Variants in KIAA1328 observed in about 807,000 individuals in gnomAD.
KIAA1328 encodes protein hinderin.
KIAA1328 carries 52 observed loss-of-function variants against 68.1 expected under a neutral mutation model. That is an observed-to-expected ratio of 0.76 (90% CI 0.61 to 0.96). The LOEUF (loss-of-function observed/expected upper bound fraction) is 0.96. Among genes scored for constraint, KIAA1328 ranks in the 40% least tolerant of loss-of-function variants. The pLI is 0.00. For synonymous variants in KIAA1328, 232 were observed against 239.4 expected (o/e 0.97, Z 0.28); for missense variants, 641 against 677.6 (o/e 0.95, Z 0.60).
intron 6 of KIAA1328, among the ~76,000 whole-genome samples, chr18:37,047,176 G>T (rs1298430821): frequency 6.6e-6 from 1 of 152,094 alleles, no homozygotes. Context: ...AATATAACTT[G>T]CAGATTGGAA....
At chr18:37,098,211 T>G (rs2057474963) in intron 7 of KIAA1328, among the ~76,000 whole-genome samples, 1 of 152,350 alleles carries the variant, frequency 6.6e-6, no homozygotes, top group African/African-American at 2.4e-5. Context: ...GCTGTGGGTT[T>G]GTCATAGATA....
intron 5 of KIAA1328, among the ~76,000 whole-genome samples, chr18:36,907,803 G>C (rs1426751003): frequency 6.6e-6 from 1 of 152,118 alleles, no homozygotes. Context: ...TTTCCTGCAA[G>C]AGTTTGTATA....
chr18:37,060,835 G>A (rs573798767), intron 6 of KIAA1328, among the ~76,000 whole-genome samples: 2 of 152,088 alleles, frequency 1.3e-5, no homozygotes, highest in Non-Finnish European at 2.9e-5. Context: ...ACTATGCAGC[G>A]GGCTGAGCGC....
chr18:36,837,058 TC>T (rs570365189), intron 3 of KIAA1328, among the ~76,000 whole-genome samples: 124 of 152,324 alleles, frequency 8.1e-4, no homozygotes, highest in Non-Finnish European at 1.6e-3. Context: ...TCTTCCATGA[TC>T]ATTCATATAC....
chr18:37,069,545 T>C (rs982023255), intron 7 of KIAA1328, among the ~76,000 whole-genome samples: 1 of 152,202 alleles, frequency 6.6e-6, no homozygotes. Flanking sequence ...AGTTGGGAGA[T>C]GTTCGCTCTG....
At position 37,224,040 on chromosome 18, in the gene KIAA1328, T is replaced by C. The variant is rs1420448164; in HGVS notation, c.*1813T>C. ...AAAGCCTTTGGAGTGTGGAGCTTTCTGTGGTATGGCAGAAATGGGTGGATG... is the reference window on the plus strand; with the variant it reads ...AAAGCCTTTGGAGTGTGGAGCTTTCCGTGGTATGGCAGAAATGGGTGGATG... On this transcript the variant is annotated 3_prime_UTR_variant, in exon 10 of 10. Transcript: ENST00000280020. The C allele has an allele frequency of 1.0e-6, 1 of 985,334 alleles. No homozygotes were observed. The highest frequency in any genetic ancestry group is 1.2e-6 in the Non-Finnish European group (1 of 829,942). The allele number at this position is 985,334 out of a possible 1,614,324, so 61.0% of individuals were successfully genotyped here.
intron 5 of KIAA1328, among the ~76,000 whole-genome samples, chr18:36,934,525 T>C (rs1378310434): frequency 1.4e-4 from 4 of 28,568 alleles, no homozygotes; most frequent in Non-Finnish European, 5.6e-4. Flanking sequence ...GTGTTCTCAT[T>C]GTTCAATTCC....
intron 4 of KIAA1328, among the ~76,000 whole-genome samples, chr18:36,845,533 G>C (rs527841780): frequency 6.6e-6 from 1 of 151,572 alleles, no homozygotes; most frequent in African/African-American, 2.4e-5. Flanking sequence ...TGAAATATTA[G>C]AGCATTAAGT....
chr18:37,160,389 TAAC>T lies in KIAA1328; in HGVS notation c.1414+12_1414+14del. 1.2e-6 allele frequency: 2 copies of T among 1,607,046 alleles called. No homozygotes were observed. The highest frequency in any genetic ancestry group is 1.7e-6 in the Non-Finnish European group (2 of 1,176,806). On this transcript the variant is annotated intron_variant, in intron 8 of 9. Coordinates refer to ENST00000280020, the MANE Select transcript of KIAA1328 (RefSeq NM_020776.3). ...CATGTAGACCCCAAAGAGGTAAGTT[TAAC>T]AACTGTAGTGGCAAAATGAGAAACT...
At chr18:36,928,642 G>A (rs368855815) in intron 5 of KIAA1328, among the ~76,000 whole-genome samples, 3 of 152,210 alleles carry the variant, frequency 2.0e-5, no homozygotes, top group Non-Finnish European at 1.5e-5. Flanking sequence ...TTGGTTTTCA[G>A]CAATCTAACT....
At chr18:37,115,822 T>G (rs1465010970) in intron 7 of KIAA1328, among the ~76,000 whole-genome samples, 2 of 152,168 alleles carry the variant, frequency 1.3e-5, no homozygotes, top group Non-Finnish European at 2.9e-5. Flanking sequence ...AAAGTCTCAG[T>G]ATACAAAATG....
At chr18:36,974,353 C>A (rs934230812) in intron 6 of KIAA1328, among the ~76,000 whole-genome samples, 3 of 152,112 alleles carry the variant, frequency 2.0e-5, no homozygotes, top group Non-Finnish European at 4.4e-5. Flanking sequence ...TCTCCAATGT[C>A]TATTATTCCA....
intron 6 of KIAA1328, among the ~76,000 whole-genome samples, chr18:37,025,194 C>T (rs908431650): frequency 1.3e-5 from 2 of 151,990 alleles, no homozygotes; most frequent in African/African-American, 4.8e-5. Context: ...ATATATGCAC[C>T]CAATACAGGA....
At chr18:37,209,424 C>A (rs953464700) in intron 9 of KIAA1328, among the ~76,000 whole-genome samples, 1 of 151,846 alleles carries the variant, frequency 6.6e-6, no homozygotes, top group African/African-American at 2.4e-5. Flanking sequence ...CTTATGGAGC[C>A]CATACCGTTG....
chr18:36,885,196 A>G (rs1011703936), intron 4 of KIAA1328, among the ~76,000 whole-genome samples: 2 of 152,140 alleles, frequency 1.3e-5, no homozygotes, highest in Non-Finnish European at 2.9e-5. Context: ...ATCAAAATCA[A>G]TTGATTGTAC....
At chr18:37,070,573 G>A (rs1030657638) in intron 7 of KIAA1328, among the ~76,000 whole-genome samples, 1 of 150,712 alleles carries the variant, frequency 6.6e-6, no homozygotes, top group Non-Finnish European at 1.5e-5. Flanking sequence ...TCTGTCCCCA[G>A]TAATTTTTTT....
intron 4 of KIAA1328, among the ~76,000 whole-genome samples, chr18:36,865,212 C>G (rs2047709780): frequency 6.6e-6 from 1 of 151,896 alleles, no homozygotes. Context: ...TGTACCCTAC[C>G]TATTTTAATT....
chr18:36,904,925 A>G (rs1420586305), intron 5 of KIAA1328, among the ~76,000 whole-genome samples: 2 of 152,032 alleles, frequency 1.3e-5, no homozygotes, highest in South Asian at 2.1e-4. Context: ...TAACAAATCA[A>G]TTAACCTTCC....
chr18:37,134,105 C>T (rs2058588467), intron 7 of KIAA1328, among the ~76,000 whole-genome samples: 1 of 151,968 alleles, frequency 6.6e-6, no homozygotes, highest in Non-Finnish European at 1.5e-5. Context: ...TCTCCGCCTC[C>T]CAGATACAAG....
Sources: allele counts gnomAD v4.1 joint callset (sites outside exome capture counted in the v4.1 genomes callset), GRCh38; gene constraint gnomAD v4.1.1; transcripts MANE v1.5; gene names NCBI Gene and HGNC (gene_info 2026-07-23, HGNC 2026-07-21).